The following MAGI1 variants were observed in gnomAD, a reference collection of about 807,000 sequenced individuals.
The protein encoded by MAGI1 is membrane-associated guanylate kinase, WW and PDZ domain-containing protein 1.
In MAGI1, 58 loss-of-function variants were observed where a neutral mutation model predicts 139.9. The observed-to-expected ratio is 0.41, with a 90% confidence interval of 0.34 to 0.52. The LOEUF is 0.52. Ranked by LOEUF, MAGI1 falls within the 20% of genes least tolerant of loss-of-function variation. The probability of loss-of-function intolerance (pLI) is 0.12; values close to 1 mark genes in which losing one functional copy is unlikely to be tolerated. For missense variants in MAGI1, 1,874 were observed against 1,901.6 expected (o/e 0.99, Z 0.27); for synonymous variants, 812 against 737.9 (o/e 1.10, Z -1.63).
intron 10 of MAGI1, among the ~76,000 whole-genome samples, chr3:65,431,892 C>G (rs1379519298): frequency 6.6e-6 from 1 of 152,006 alleles, no homozygotes; most frequent in Non-Finnish European, 1.5e-5. Flanking sequence ...ACTTGGGAGG[C>G]TGAGGCAGGA....
chr3:65,601,618 C>A (rs1189714803), intron 2 of MAGI1, among the ~76,000 whole-genome samples: 1 of 152,070 alleles, frequency 6.6e-6, no homozygotes, highest in Non-Finnish European at 1.5e-5. Context: ...CCACACCAAA[C>A]ACAAAGATTA....
chr3:65,851,293 T>C (rs1467576887), intron 1 of MAGI1, among the ~76,000 whole-genome samples: 4 of 152,188 alleles, frequency 2.6e-5, no homozygotes, highest in African/African-American at 9.7e-5. Flanking sequence ...AAAAGTGCTC[T>C]GCATATTAAC....
intron 1 of MAGI1, among the ~76,000 whole-genome samples, chr3:65,881,279 G>A (rs1465759409): frequency 6.6e-6 from 1 of 152,048 alleles, no homozygotes; most frequent in Non-Finnish European, 1.5e-5. Flanking sequence ...GAGAGTACCT[G>A]GTATTAGGAA....
At chr3:66,027,755 G>A (rs972525925) in intron 1 of MAGI1, among the ~76,000 whole-genome samples, 11 of 152,102 alleles carry the variant, frequency 7.2e-5, no homozygotes, top group Non-Finnish European at 1.6e-4. Context: ...CCTGTAGAGG[G>A]GCTTTCTCAA....
intron 1 of MAGI1, among the ~76,000 whole-genome samples, chr3:65,984,512 A>ATGTGTG (rs34046056): frequency 0.026 from 3,705 of 140,438 alleles, 72 homozygotes; most frequent in African/African-American, 0.05. Flanking sequence ...TCAAAATAAA[A>ATGTGTG]TGTGTGTGTG....
At chr3:65,410,700 A>G (rs564622823) in intron 12 of MAGI1, among the ~76,000 whole-genome samples, 2 of 152,300 alleles carry the variant, frequency 1.3e-5, no homozygotes, top group South Asian at 4.1e-4. Flanking sequence ...GAGTGTATGC[A>G]CAGTCAATCA....
chr3:65,469,569 T>A (rs1002711586), intron 5 of MAGI1, among the ~76,000 whole-genome samples: 12 of 151,978 alleles, frequency 7.9e-5, no homozygotes, highest in Non-Finnish European at 1.2e-4. Flanking sequence ...CAAACCTAAT[T>A]CATACACCTT....
intron 1 of MAGI1, among the ~76,000 whole-genome samples, chr3:65,886,180 A>C (rs1411931748): frequency 6.6e-6 from 1 of 152,180 alleles, no homozygotes; most frequent in Non-Finnish European, 1.5e-5. Flanking sequence ...GCATAGTTTT[A>C]TTACCTAATA....
At chr3:65,849,004 T>TTTTTC (rs2059109179) in intron 1 of MAGI1, among the ~76,000 whole-genome samples, 2 of 53,052 alleles carry the variant, frequency 3.8e-5, no homozygotes, top group African/African-American at 4.4e-4. Flanking sequence ...GAGCATTCTT[T>TTTTTC]TTTTTTTTTT....
intron 18 of MAGI1, among the ~76,000 whole-genome samples, chr3:65,368,671 G>A (rs549236488): frequency 6.6e-6 from 1 of 152,216 alleles, no homozygotes; most frequent in East Asian, 1.9e-4. Flanking sequence ...AATATCTAAG[G>A]GCGGCATGGG....
At position 65,680,944 on chromosome 3, in the gene MAGI1, G is replaced by A. The variant is rs933099599; in HGVS notation, c.314-58856C>T. On this transcript the variant is annotated intron_variant, in intron 1 of 22. Transcript: ENST00000402939. ...CGGAAAGATTCAGTATTTTAGTTTC[G>A]GAGTTGGGAAGATGAAGAATTGATT... 3.3e-5 allele frequency among the ~76,000 whole-genome samples: 5 copies of A among 152,224 alleles called. No homozygotes were observed. The South Asian group carries it at 6.2e-4, about 19-fold the overall frequency.
chr3:65,807,070 GTA>G (rs1373694978), intron 1 of MAGI1, among the ~76,000 whole-genome samples: 1 of 152,142 alleles, frequency 6.6e-6, no homozygotes, highest in African/African-American at 2.4e-5. Flanking sequence ...TATGAGACAG[GTA>G]TTCTAATTTT....
intron 6 of MAGI1, among the ~76,000 whole-genome samples, chr3:65,452,004 T>C (rs903388267): frequency 6.6e-6 from 1 of 152,140 alleles, no homozygotes; most frequent in East Asian, 1.9e-4. Flanking sequence ...TTAACCAGTA[T>C]TACATGTTAA....
At chr3:65,475,125 C>T (rs577730584) in intron 4 of MAGI1, among the ~76,000 whole-genome samples, 2 of 151,906 alleles carry the variant, frequency 1.3e-5, no homozygotes, top group African/African-American at 2.4e-5. Flanking sequence ...AGCCTAGAAA[C>T]ATGATTAAGA....
intron 2 of MAGI1, among the ~76,000 whole-genome samples, chr3:65,509,498 G>T (rs887322039): frequency 4.6e-5 from 7 of 152,190 alleles, no homozygotes; most frequent in Non-Finnish European, 1.0e-4. Flanking sequence ...CTTGGGAAGC[G>T]CAAGGGGCCA....
At chr3:65,909,493 C>T (rs2061571549) in intron 1 of MAGI1, among the ~76,000 whole-genome samples, 1 of 152,152 alleles carries the variant, frequency 6.6e-6, no homozygotes, top group Admixed American at 6.5e-5. Flanking sequence ...CGTGATCACA[C>T]CACTGCACTC....
chr3:65,739,393 T>A (rs1017647696), intron 1 of MAGI1, among the ~76,000 whole-genome samples: 1 of 152,222 alleles, frequency 6.6e-6, no homozygotes, highest in Non-Finnish European at 1.5e-5. Flanking sequence ...CAGACCAACT[T>A]TCTCCACATT....
At chr3:65,619,614 C>T (rs1226814565) in intron 2 of MAGI1, among the ~76,000 whole-genome samples, 1 of 152,172 alleles carries the variant, frequency 6.6e-6, no homozygotes. Context: ...TTCCCCAAAT[C>T]CACGGCTTCC....
intron 2 of MAGI1, among the ~76,000 whole-genome samples, chr3:65,584,086 G>GAAA (rs542674034): frequency 1.7e-4 from 16 of 95,860 alleles, no homozygotes; most frequent in African/African-American, 2.6e-4. Flanking sequence ...ATCTACTCTT[G>GAAA]AAAAAAAAAA....
Sources: allele counts gnomAD v4.1 joint callset (sites outside exome capture counted in the v4.1 genomes callset), GRCh38; gene constraint gnomAD v4.1.1; transcripts MANE v1.5; gene names NCBI Gene and HGNC (gene_info 2026-07-23, HGNC 2026-07-21).